Variants in CSMD1 observed in about 807,000 individuals in gnomAD.
CSMD1 encodes the protein CUB and Sushi multiple domains 1, also known as CUB and sushi domain-containing protein 1.
In CSMD1, 213 loss-of-function variants were observed where a neutral mutation model predicts 417.5. The observed-to-expected ratio is 0.51, with a 90% CI of 0.46 to 0.57. CSMD1 has a LOEUF of 0.57. CSMD1 is among the 20% of genes least tolerant of loss of function. The pLI is 0.00. For missense variants in CSMD1, 6,923 were observed against 4,529.7 expected, an observed-to-expected ratio of 1.53 and a Z score of -15.17; for synonymous variants, 2,862 against 1,736.8, an observed-to-expected ratio of 1.65 and a Z score of -16.11.
chr8:3,241,339 TGAAAA>T (rs1285207113), intron 26 of CSMD1, among the ~76,000 whole-genome samples: 1 of 151,596 alleles, frequency 6.6e-6, no homozygotes, highest in Non-Finnish European at 1.5e-5. Context: ...AACAGGTCCT[TGAAAA>T]GAAGGTAATG....
chr8:3,195,894 TA>T (rs1796677974), intron 33 of CSMD1, among the ~76,000 whole-genome samples: 1 of 152,198 alleles, frequency 6.6e-6, no homozygotes, highest in South Asian at 2.1e-4. Flanking sequence ...TTGGAATATT[TA>T]AACTGTCAGA....
chr8:4,387,112 A>C (rs1321011281), intron 3 of CSMD1, among the ~76,000 whole-genome samples: 1 of 152,220 alleles, frequency 6.6e-6, no homozygotes, highest in Non-Finnish European at 1.5e-5. Context: ...GGATAAATGG[A>C]AAGTTTCTGT....
chr8:4,702,365 C>T (rs994066492), intron 1 of CSMD1, among the ~76,000 whole-genome samples: 5 of 152,172 alleles, frequency 3.3e-5, no homozygotes, highest in African/African-American at 7.2e-5. Flanking sequence ...TCCTGCTCTC[C>T]GAAGTAGCAA....
At chr8:4,039,803 G>A (rs1797794999) in intron 3 of CSMD1, among the ~76,000 whole-genome samples, 2 of 152,196 alleles carry the variant, frequency 1.3e-5, no homozygotes, top group Non-Finnish European at 2.9e-5. Flanking sequence ...GGCACAGGGA[G>A]TTACAGTCAT....
chr8:3,687,641 C>T (rs752735570), intron 7 of CSMD1, among the ~76,000 whole-genome samples: 62 of 152,156 alleles, frequency 4.1e-4, no homozygotes, highest in Non-Finnish European at 7.9e-4. Context: ...TGCCCTTGTT[C>T]ATTTGTGCTG....
chr8:4,489,147 G>A (rs1295465874), intron 2 of CSMD1, among the ~76,000 whole-genome samples: 4 of 152,204 alleles, frequency 2.6e-5, no homozygotes, highest in African/African-American at 9.6e-5. Context: ...CCTGACCTCA[G>A]GTGATCTACC....
intron 1 of CSMD1, among the ~76,000 whole-genome samples, chr8:4,641,273 T>A (rs1013397608): frequency 6.6e-6 from 1 of 152,010 alleles, no homozygotes; most frequent in African/African-American, 2.4e-5. Context: ...GGAATCTAAA[T>A]CATCTGTTAC....
chr8:4,679,833 G>T (rs1170208497), intron 1 of CSMD1, among the ~76,000 whole-genome samples: 1 of 151,990 alleles, frequency 6.6e-6, no homozygotes, highest in African/African-American at 2.4e-5. Flanking sequence ...ATTTAAATAT[G>T]TAATAGATTA....
chr8:4,247,455 G>GA (rs1345656823), intron 3 of CSMD1, among the ~76,000 whole-genome samples: 2 of 152,132 alleles, frequency 1.3e-5, no homozygotes, highest in Non-Finnish European at 2.9e-5. Flanking sequence ...GCAGCCTCAT[G>GA]AAAAATGCTT....
chr8:4,634,490 C>T (rs922799672), intron 2 of CSMD1, among the ~76,000 whole-genome samples: 4 of 152,150 alleles, frequency 2.6e-5, no homozygotes, highest in Non-Finnish European at 5.9e-5. Flanking sequence ...ACATTTTAAA[C>T]TTCTAAAAAT....
At chr8:3,624,375 G>C (rs528983399) in intron 7 of CSMD1, among the ~76,000 whole-genome samples, 2 of 152,192 alleles carry the variant, frequency 1.3e-5, no homozygotes, top group East Asian at 3.9e-4. Context: ...CTCTATGTAA[G>C]GTGTCATTTT....
chr8:3,433,870 G>A (rs982912913), intron 12 of CSMD1, among the ~76,000 whole-genome samples: 1 of 152,184 alleles, frequency 6.6e-6, no homozygotes, highest in Non-Finnish European at 1.5e-5. Context: ...ATTGCTTCCT[G>A]CTTCAACTTC....
At chr8:3,764,739 CTTT>C (rs66603480) in intron 5 of CSMD1, among the ~76,000 whole-genome samples, 25,588 of 130,052 alleles carry the variant, frequency 0.2, 2,239 homozygotes, top group South Asian at 0.28. Context: ...TTTTCTCTTT[CTTT>C]TTTTTTTTTT....
intron 3 of CSMD1, among the ~76,000 whole-genome samples, chr8:4,235,765 TG>T (rs1802008482): frequency 6.6e-6 from 1 of 152,218 alleles, no homozygotes; most frequent in Non-Finnish European, 1.5e-5. Context: ...GTCCCCCATC[TG>T]GACCCCTAGT....
At chr8:4,667,222 A>G (rs868580244) in intron 1 of CSMD1, among the ~76,000 whole-genome samples, 2 of 152,268 alleles carry the variant, frequency 1.3e-5, no homozygotes, top group Middle Eastern at 3.4e-3. Flanking sequence ...TCTATCTATC[A>G]TGTTTTCCAA....
At chr8:4,202,576 A>G (rs151258678) in intron 3 of CSMD1, among the ~76,000 whole-genome samples, 22 of 152,326 alleles carry the variant, frequency 1.4e-4, no homozygotes, top group African/African-American at 5.1e-4. Flanking sequence ...TCCTGTATTC[A>G]TTCAAAAAAG....
chr8:4,825,556 G>A (rs1385955592), intron 1 of CSMD1, among the ~76,000 whole-genome samples: 1 of 150,984 alleles, frequency 6.6e-6, no homozygotes, highest in African/African-American at 2.4e-5. Flanking sequence ...ATATGTGTGT[G>A]GCTGTCTTAG....
chr8:4,802,681 A>C (rs895181760), intron 1 of CSMD1, among the ~76,000 whole-genome samples: 1 of 152,134 alleles, frequency 6.6e-6, no homozygotes, highest in African/African-American at 2.4e-5. Context: ...CCTCATTAAT[A>C]CTGTGAAAGG....
chr8:4,149,013 G>T (rs1410190144), intron 3 of CSMD1, among the ~76,000 whole-genome samples: 1 of 151,040 alleles, frequency 6.6e-6, no homozygotes, highest in South Asian at 2.1e-4. Context: ...GCCCAGGCTG[G>T]AGTGCAGTGG....
Sources: allele counts gnomAD v4.1 joint callset (sites outside exome capture counted in the v4.1 genomes callset), GRCh38; gene constraint gnomAD v4.1.1; transcripts MANE v1.5; gene names NCBI Gene and HGNC (gene_info 2026-07-23, HGNC 2026-07-21).